The following IL1RAPL1 variants were observed in gnomAD, a reference collection of about 807,000 sequenced individuals.
IL1RAPL1 encodes interleukin-1 receptor accessory protein-like 1.
In IL1RAPL1, 3 loss-of-function variants were observed where a neutral mutation model predicts 48.4. The ratio of observed to expected loss-of-function variants is 0.06; its 90% CI spans 0.03 to 0.16. The LOEUF (loss-of-function observed/expected upper bound fraction) is 0.16. IL1RAPL1 is among the 10% of genes least tolerant of loss of function. The pLI is 1.00. For missense variants in IL1RAPL1, 349 were observed against 530.6 expected, an observed-to-expected ratio of 0.66 and a Z score of 3.36; for synonymous variants, 185 against 187.7, an observed-to-expected ratio of 0.99 and a Z score of 0.12.
intron 2 of IL1RAPL1, among the ~76,000 whole-genome samples, chrX:29,017,966 G>A: frequency 9.0e-6 from 1 of 111,590 alleles, no homozygotes; most frequent in African/African-American, 3.2e-5. Context: ...ATTAAAAATT[G>A]TCTGAATCTA....
intron 5 of IL1RAPL1, among the ~76,000 whole-genome samples, chrX:29,427,104 G>A (rs1055946160): frequency 2.7e-5 from 3 of 111,591 alleles, no homozygotes; most frequent in Non-Finnish European, 5.6e-5. Flanking sequence ...GTGGAACATG[G>A]GGGTGTTAAC....
chrX:29,659,496 A>G, intron 5 of IL1RAPL1, among the ~76,000 whole-genome samples: 1 of 112,264 alleles, frequency 8.9e-6, no homozygotes, highest in South Asian at 3.7e-4. Flanking sequence ...TTACGTTTCC[A>G]CCAACAGTGT....
At chrX:29,817,044 C>T (rs1466286884) in intron 6 of IL1RAPL1, among the ~76,000 whole-genome samples, 7 of 110,385 alleles carry the variant, frequency 6.3e-5, no homozygotes, top group Non-Finnish European at 1.1e-4. Context: ...TATTCATTCC[C>T]AATATAGCAG....
At chrX:29,228,649 G>A (rs763689589) in intron 2 of IL1RAPL1, among the ~76,000 whole-genome samples, 11 of 110,891 alleles carry the variant, frequency 9.9e-5, no homozygotes, top group South Asian at 3.8e-4. Context: ...CACCGCACCT[G>A]GCCAGTTTTG....
chrX:28,762,786 GCACA>G (rs759005946), intron 1 of IL1RAPL1, among the ~76,000 whole-genome samples: 1,074 of 62,918 alleles, frequency 0.017, 10 homozygotes, highest in South Asian at 0.044. Context: ...GCACGCGCGC[GCACA>G]CACACACACA....
chrX:29,785,706 G>A (rs975788924), intron 6 of IL1RAPL1, among the ~76,000 whole-genome samples: 29 of 111,678 alleles, frequency 2.6e-4, no homozygotes, highest in African/African-American at 9.4e-4. Context: ...ACCATACAAC[G>A]GAACACAATT....
intron 5 of IL1RAPL1, among the ~76,000 whole-genome samples, chrX:29,489,878 C>T (rs1463823492): frequency 2.7e-5 from 3 of 111,876 alleles, no homozygotes; most frequent in Non-Finnish European, 5.6e-5. Flanking sequence ...AAGGTCTGTA[C>T]AGCTAGCAGA....
chrX:28,709,698 G>A (rs901446789), intron 1 of IL1RAPL1, among the ~76,000 whole-genome samples: 19 of 111,105 alleles, frequency 1.7e-4, no homozygotes, highest in East Asian at 5.7e-4. Flanking sequence ...CACAATATGC[G>A]TGTATATGTG....
intron 2 of IL1RAPL1, among the ~76,000 whole-genome samples, chrX:29,195,673 C>T (rs1303309944): frequency 2.8e-5 from 3 of 108,203 alleles, no homozygotes; most frequent in Non-Finnish European, 3.8e-5. Context: ...GATTCTCCTC[C>T]CTCAGCCTCC....
chrX:29,450,485 T>C (rs1264650216), intron 5 of IL1RAPL1, among the ~76,000 whole-genome samples: 1 of 111,659 alleles, frequency 9.0e-6, no homozygotes, highest in East Asian at 2.8e-4. Flanking sequence ...CCAATAAAAT[T>C]TTCTTTACAA....
chrX:28,944,408 CAT>C (rs1445488958), intron 2 of IL1RAPL1, among the ~76,000 whole-genome samples: 4 of 111,051 alleles, frequency 3.6e-5, no homozygotes, highest in African/African-American at 1.3e-4. Context: ...GAACCGATCT[CAT>C]ATCCACTGGG....
chrX:29,288,338 G>A (rs1484809418), intron 3 of IL1RAPL1, among the ~76,000 whole-genome samples: 3 of 110,400 alleles, frequency 2.7e-5, no homozygotes, highest in Non-Finnish European at 5.7e-5. Context: ...AGGCCCCAGT[G>A]TGTGTTGTTC....
At chrX:29,545,745 T>C (rs966254808) in intron 5 of IL1RAPL1, among the ~76,000 whole-genome samples, 1 of 112,245 alleles carries the variant, frequency 8.9e-6, no homozygotes, top group African/African-American at 3.2e-5. Flanking sequence ...TCGAGCATTT[T>C]TGTAGTTTCC....
At chrX:28,932,649 C>CT (rs1381401069) in intron 2 of IL1RAPL1, among the ~76,000 whole-genome samples, 2 of 108,859 alleles carry the variant, frequency 1.8e-5, no homozygotes, top group African/African-American at 6.7e-5. Flanking sequence ...ACCTATTTAG[C>CT]TTTTTATGTT....
intron 2 of IL1RAPL1, among the ~76,000 whole-genome samples, chrX:29,062,568 T>C (rs1927366519): frequency 8.9e-6 from 1 of 112,141 alleles, no homozygotes; most frequent in Admixed American, 9.4e-5. Flanking sequence ...TAATGGTACA[T>C]GGAGGTGTGC....
At chrX:28,724,137 C>T (rs1398443496) in intron 1 of IL1RAPL1, among the ~76,000 whole-genome samples, 1 of 111,368 alleles carries the variant, frequency 9.0e-6, no homozygotes, top group African/African-American at 3.3e-5. Flanking sequence ...GAGTTCAATT[C>T]CTGGGTATCC....
chrX:28,598,850 A>G (rs1933987189), intron 1 of IL1RAPL1, among the ~76,000 whole-genome samples: 1 of 106,584 alleles, frequency 9.4e-6, no homozygotes, highest in African/African-American at 3.4e-5. Context: ...CTGGTCTCAA[A>G]CTCCTGACTT....
intron 2 of IL1RAPL1, among the ~76,000 whole-genome samples, chrX:29,264,231 A>AT (rs1415684525): frequency 1.8e-5 from 2 of 111,659 alleles, no homozygotes; most frequent in Admixed American, 9.6e-5. Flanking sequence ...AAAAGCATGT[A>AT]TTTTTTTCCT....
At chrX:28,590,096 A>G (rs1471140445) in intron 1 of IL1RAPL1, among the ~76,000 whole-genome samples, 2 of 111,563 alleles carry the variant, frequency 1.8e-5, no homozygotes, top group Non-Finnish European at 3.8e-5. Context: ...CTCATGTTTT[A>G]TCTGGAGTTG....
Sources: gnomAD v4.1 joint callset for allele counts (sites outside exome capture counted in the v4.1 genomes callset) on GRCh38, gnomAD v4.1.1 for gene constraint, MANE v1.5 for transcripts, NCBI Gene and HGNC (gene_info 2026-07-23, HGNC 2026-07-21) for gene names.